Variants in CAMSAP3 observed in about 807,000 individuals in gnomAD.
CAMSAP3 encodes calmodulin regulated spectrin associated protein family member 3, also known as calmodulin-regulated spectrin-associated protein 3.
In CAMSAP3, 34 loss-of-function variants were observed where a neutral mutation model predicts 112.5. The ratio of observed to expected loss-of-function variants is 0.30; its 90% CI spans 0.23 to 0.40. CAMSAP3 has a LOEUF of 0.40. Among genes scored for constraint, CAMSAP3 ranks in the 10% least tolerant of loss-of-function variants. The probability of loss-of-function intolerance (pLI) is 1.00; values close to 1 mark genes in which losing one functional copy is unlikely to be tolerated. For missense variants in CAMSAP3, 1,602 were observed against 1,770.3 expected (o/e 0.90, Z 1.71); for synonymous variants, 868 against 799.8 (o/e 1.09, Z -1.44).
Position 7,615,359 on chromosome 19 carries a change from C to T in CAMSAP3, c.2810+37C>T. ...CCTGCCCGGGACGCCCGCTCCTTGG[C>T]CTGTCTGCCACCGCGGACCCCGTGA... On this transcript the variant is annotated intron_variant, in intron 12 of 16. Coordinates refer to ENST00000160298, the MANE Select transcript of CAMSAP3 (RefSeq NM_020902.2). The surrounding 1 kb of genome is among the most constrained non-coding windows in gnomAD (Gnocchi z 6.5). 2 of 1,533,422 alleles carry T rather than the reference C, an allele frequency of 1.3e-6. No individual in the cohort carries two copies. The highest frequency in any genetic ancestry group is 1.8e-6 in the Non-Finnish European group (2 of 1,136,672). 95.0% of individuals were successfully genotyped at this position (1,533,422 alleles called of 1,614,324 possible). A position where few individuals can be genotyped will look rare whatever the true frequency, so the allele number is the denominator to read the frequency against.
At position 7,596,162 on chromosome 19, in the gene CAMSAP3, C is replaced by T. The variant is rs1216202858; in HGVS notation, c.148+12C>T. The T allele has an allele frequency of 1.2e-3, 84 of 71,840 alleles. No homozygotes were observed. The highest frequency in any genetic ancestry group is 1.4e-3 in the Non-Finnish European group (70 of 49,478). The allele number at this position is 71,840 out of a possible 1,614,324, so 4.5% of individuals were successfully genotyped here. On this transcript the variant is annotated intron_variant, in intron 1 of 16. Coordinates refer to ENST00000160298, the MANE Select transcript of CAMSAP3 (RefSeq NM_020902.2). ...GTTCGGGGGCGCAGGTACCGGGGCTCGGGGGACCGGGGTCGGGGGCGGCGG... is the reference window on the plus strand; with the variant it reads ...GTTCGGGGGCGCAGGTACCGGGGCTTGGGGGACCGGGGTCGGGGGCGGCGG...
At chr19:7,604,060 G>A (rs980386033) in intron 1 of CAMSAP3, among the ~76,000 whole-genome samples, 4 of 152,100 alleles carry the variant, frequency 2.6e-5, no homozygotes, top group Admixed American at 1.3e-4. Flanking sequence ...ATTCGAGCCC[G>A]GGAGGCAGAG....
chr19:7,615,379 C>G lies in CAMSAP3; in HGVS notation c.2811-39C>G. 1 of 1,535,682 alleles carries G rather than the reference C, an allele frequency of 6.5e-7. No homozygotes were observed. Among genetic ancestry groups the G allele is most frequent in the East Asian group, 2.5e-5 (1 of 40,658 alleles). On this transcript the variant is annotated intron_variant, in intron 12 of 16. Coordinates refer to ENST00000160298, the MANE Select transcript of CAMSAP3 (RefSeq NM_020902.2). This position sits in a 1 kb window ranked among gnomAD's most constrained non-coding sequence, Gnocchi z 6.5. The stretch of plus-strand genomic sequence containing the variant: ...CTTGGCCTGTCTGCCACCGCGGACC[C>G]CGTGAGCGGTTCTGATGCCGATTCC...
At position 7,615,110 on chromosome 19, in the gene CAMSAP3, G is replaced by A. The variant is rs757021477; in HGVS notation, c.2671-73G>A. Reference sequence around the variant, plus strand: ...AGCACAGGTGGGTGGCGGGCAGGCTGGGTGGAGGGAAGATGGGCCTCCAGC... The same window carrying A: ...AGCACAGGTGGGTGGCGGGCAGGCTAGGTGGAGGGAAGATGGGCCTCCAGC... On this transcript the variant is annotated intron_variant, in intron 11 of 16. Coordinates refer to ENST00000160298, the MANE Select transcript of CAMSAP3 (RefSeq NM_020902.2). The surrounding 1 kb of genome is among the most constrained non-coding windows in gnomAD (Gnocchi z 6.5). 1.2e-5 allele frequency: 19 copies of A among 1,530,248 alleles called. No homozygotes were observed. The highest frequency in any genetic ancestry group is 1.1e-4 in the African/African-American group (8 of 72,674). 94.8% of individuals were successfully genotyped at this position (1,530,248 alleles called of 1,614,324 possible).
chr19:7,606,328 AAG>A lies in CAMSAP3; in HGVS notation c.462_463del (p.Lys154AsnfsTer99). 1 of 1,613,838 alleles carries A rather than the reference AAG, an allele frequency of 6.2e-7. No individual in the cohort carries two copies. The highest frequency in any genetic ancestry group is 2.2e-5 in the East Asian group (1 of 44,868). On this transcript the variant is annotated frameshift_variant, in exon 3 of 17. Transcript: ENST00000160298. LOFTEE classifies it high-confidence loss of function. ...LMAAFAFEWTKTLPGPLALTS... is the reference protein window; with the variant it reads ...LMAAFAFEWTXTLPGPLALTS... ...GGCTGCCTTTGCCTTCGAGTGGACA[AAG>A]ACCCTGCCAGGTCCCTTGGCCCTGA...
chr19:7,603,521 C>T (rs2146160197), intron 1 of CAMSAP3, among the ~76,000 whole-genome samples: 1 of 152,002 alleles, frequency 6.6e-6, no homozygotes, highest in East Asian at 1.9e-4. Flanking sequence ...GGCCCCCACC[C>T]CGTTCTTTCA....
At position 7,610,531 on chromosome 19, in the gene CAMSAP3, C is replaced by T. The variant is rs1014555876; in HGVS notation, c.816C>T (p.Leu272=). 13 of 1,613,606 alleles carry T rather than the reference C, an allele frequency of 8.1e-6. No homozygotes were observed. The highest frequency in any genetic ancestry group is 1.3e-5 in the African/African-American group (1 of 74,916). Residue 272 remains leucine (L), a synonymous_variant, in exon 6 of 17, where the codon CTC becomes CTT. Coordinates refer to ENST00000160298, the MANE Select transcript of CAMSAP3 (RefSeq NM_020902.2). This position sits in a 1 kb window ranked among gnomAD's most constrained non-coding sequence, Gnocchi z 4.9. ...SVADSLYNLQ[L]VQDFCASRLP... Reference sequence around the variant, plus strand: ...CGGACAGCCTGTACAACCTCCAGCTCGTGCAGGATTTCTGTGCCTCTCGCC... The same window carrying T: ...CGGACAGCCTGTACAACCTCCAGCTTGTGCAGGATTTCTGTGCCTCTCGCC...
At position 7,605,444 on chromosome 19, in the gene CAMSAP3, C is replaced by G. The variant is rs754011606; in HGVS notation, c.367C>G (p.Arg123Gly). The G allele has an allele frequency of 6.9e-7, 1 of 1,458,708 alleles. No individual in the cohort carries two copies. The highest frequency in any genetic ancestry group is 9.1e-7 in the Non-Finnish European group (1 of 1,103,036). 90.4% of individuals were successfully genotyped at this position (1,458,708 alleles called of 1,614,324 possible). A position where few individuals can be genotyped will look rare whatever the true frequency, so the allele number is the denominator to read the frequency against. Residue 123 changes from arginine to glycine, a missense_variant, in exon 2 of 17, where the codon CGC becomes GGC. Arg to Gly is a moderately radical substitution (Grantham distance 125). Around this residue, in one of 6 missense-constraint regions of CAMSAP3, gnomAD observed 35 missense variants for 79.8 expected, o/e 0.44. Transcript: ENST00000160298. ...TVPALPERPV[R>G]EADLRHQPIL... ...GCCTGCTTTGCCCGAGCGCCCGGTG[C>G]GCGAGGCCGACCTGAGGCACCAGCC...
Position 7,617,465 on chromosome 19 carries a change from G to A in CAMSAP3, c.3325+27G>A. 1 of 1,609,488 alleles carries A rather than the reference G, an allele frequency of 6.2e-7. No homozygotes were observed. On this transcript the variant is annotated intron_variant, in intron 15 of 16. Transcript: ENST00000160298. The surrounding 1 kb of genome is among the most constrained non-coding windows in gnomAD (Gnocchi z 7.5). ...TAAGCAGGGGCTCTGGGTGATGTGA[G>A]GAGCAACAGGCACCCTCCTCCACAG...
Position 7,611,759 on chromosome 19 carries a change from A to G in CAMSAP3, c.1266A>G (p.Gly422=), listed in dbSNP as rs1237815754. 2 of 1,587,958 alleles carry G rather than the reference A, an allele frequency of 1.3e-6. No individual in the cohort carries two copies. Among genetic ancestry groups the G allele is most frequent in the Non-Finnish European group, 1.7e-6 (2 of 1,166,290 alleles). Residue 422 remains glycine, a synonymous_variant, in exon 11 of 17, where the codon GGA becomes GGG. Transcript: ENST00000160298. This position sits in a 1 kb window ranked among gnomAD's most constrained non-coding sequence, Gnocchi z 6.9. ...GLDSDVDVVM[G]DPVLLRSVSS... ...ACAGCGACGTGGATGTCGTCATGGGAGACCCTGTGCTCCTCCGCTCTGTGA... is the reference window on the plus strand; with the variant it reads ...ACAGCGACGTGGATGTCGTCATGGGGGACCCTGTGCTCCTCCGCTCTGTGA...
At chr19:7,605,117 G>A in intron 1 of CAMSAP3, 109 bp from the exon 2 acceptor site, 1 of 730,238 alleles carries the variant, frequency 1.4e-6, no homozygotes, top group African/African-American at 1.9e-5. Context: ...ATCCTCCCTG[G>A]TCCAGACACA....
Position 7,617,935 on chromosome 19 carries a change from C to T in CAMSAP3, c.3628C>T (p.Arg1210Cys), listed in dbSNP as rs1354076030. The change falls in exon 17 of 17, where the codon CGC (arginine) becomes TGC (cysteine). Residue 1210 changes from arginine (R) to cysteine (C), a missense_variant. Physicochemically the swap from Arg to Cys is radical, Grantham distance 180. Transcript: ENST00000160298. The surrounding 1 kb of genome is among the most constrained non-coding windows in gnomAD (Gnocchi z 7.5). The part of the protein sequence containing the change: ...GIYKYNSDRK[R>C]FTQIPAKTMS... Reference sequence around the variant, plus strand: ...CTACAAGTACAACTCGGACCGCAAGCGCTTCACCCAGATCCCCGCCAAGAC... The same window carrying T: ...CTACAAGTACAACTCGGACCGCAAGTGCTTCACCCAGATCCCCGCCAAGAC... 6 of 1,613,994 alleles carry T rather than the reference C, an allele frequency of 3.7e-6. No individual in the cohort carries two copies. The African/African-American group carries it at 4.0e-5, about 11-fold the overall frequency.
In CAMSAP3 at chr19:7,607,750, C is replaced by T. The variant is rs74556722; in HGVS notation, c.622-376C>T. Reference sequence around the variant, plus strand: ...CAGGGTCAGGGCTACCCCCTCCCCCCCAAGGTGGGCTTGGGGGCCCAGCAG... The same window carrying T: ...CAGGGTCAGGGCTACCCCCTCCCCCTCAAGGTGGGCTTGGGGGCCCAGCAG... On this transcript the variant is annotated intron_variant, in intron 4 of 16. Transcript: ENST00000160298. The surrounding 1 kb of genome is among the most constrained non-coding windows in gnomAD (Gnocchi z 4.9). 5.6e-5 allele frequency: 32 copies of T among 573,046 alleles called. No individual in the cohort carries two copies. Among genetic ancestry groups the T allele is most frequent in the South Asian group, 1.7e-4 (7 of 40,368 alleles). 35.5% of individuals were successfully genotyped at this position (573,046 alleles called of 1,614,324 possible).
chr19:7,617,693 T>TGGTG lies in CAMSAP3; in HGVS notation c.3445-45_3445-42dup, dbSNP rs746922525. On this transcript the variant is annotated intron_variant, in intron 16 of 16. Coordinates refer to ENST00000160298, the MANE Select transcript of CAMSAP3 (RefSeq NM_020902.2). This position sits in a 1 kb window ranked among gnomAD's most constrained non-coding sequence, Gnocchi z 7.5. Reference sequence around the variant, plus strand: ...CCGCCCACACGTGGGAGTTGGGGGCTGGTGGGTGGGTGGGTGGCCTGACTT... The same window carrying TGGTG: ...CCGCCCACACGTGGGAGTTGGGGGCTGGTGGGTGGGTGGGTGGGTGGCCTGACTT... The TGGTG allele has an allele frequency of 7.4e-6, 12 of 1,610,950 alleles. No homozygotes were observed. The highest frequency in any genetic ancestry group is 1.1e-5 in the South Asian group (1 of 91,004).
At position 7,611,222 on chromosome 19, in the gene CAMSAP3, G is replaced by A; in HGVS notation, c.1123+54G>A. 1 of 1,526,440 alleles carries A rather than the reference G, an allele frequency of 6.6e-7. No individual in the cohort carries two copies. The allele number at this position is 1,526,440 out of a possible 1,614,324, so 94.6% of individuals were successfully genotyped here. A position where few individuals can be genotyped will look rare whatever the true frequency, so the allele number is the denominator to read the frequency against. On this transcript the variant is annotated intron_variant, in intron 9 of 16. Transcript: ENST00000160298. This position sits in a 1 kb window ranked among gnomAD's most constrained non-coding sequence, Gnocchi z 6.9. ...CGGGGGACCCCCCCACTCACAGACT[G>A]CCCCAGTGGGCCTCATGTTGTCTCC... is the stretch of plus-strand genomic sequence containing the variant.
chr19:7,607,517 C>G lies in CAMSAP3; in HGVS notation c.622-609C>G, dbSNP rs529464236. Among the ~76,000 whole-genome samples the G allele has an allele frequency of 6.6e-6, 1 of 152,232 alleles. No individual in the cohort carries two copies. Among genetic ancestry groups the G allele is most frequent in the Non-Finnish European group, 1.5e-5 (1 of 67,984 alleles). On this transcript the variant is annotated intron_variant, in intron 4 of 16. Transcript: ENST00000160298. The surrounding 1 kb of genome is among the most constrained non-coding windows in gnomAD (Gnocchi z 4.9). ...CACCTTTGCTCACTCCTTCCCCCACCCTGGGGCCTGGGTTGGGAGGTTCCC... is the reference window on the plus strand; with the variant it reads ...CACCTTTGCTCACTCCTTCCCCCACGCTGGGGCCTGGGTTGGGAGGTTCCC...
rs774821513 is a variant in CAMSAP3, at chr19:7,615,204, G to A, written c.2692G>A (p.Glu898Lys). 3.9e-6 allele frequency: 6 copies of A among 1,554,084 alleles called. No homozygotes were observed. In the East Asian group the frequency reaches 1.2e-4, roughly 31 times the overall value. Reference protein sequence around the residue: ...FYKDEDKPEDEMAQKRASLLE... With the variant: ...FYKDEDKPEDKMAQKRASLLE... Reference sequence around the variant, plus strand: ...CCAGGATGAAGACAAGCCTGAGGACGAGATGGCCCAAAAGCGGGCCAGCCT... The same window carrying A: ...CCAGGATGAAGACAAGCCTGAGGACAAGATGGCCCAAAAGCGGGCCAGCCT... Residue 898 changes from glutamate to lysine, a missense_variant, in exon 12 of 17, where the codon GAG (glutamate) becomes AAG (lysine). Around this residue, in one of 6 missense-constraint regions of CAMSAP3, gnomAD observed 1,100 missense variants for 1,135.7 expected, o/e 0.97. Transcript: ENST00000160298. The surrounding 1 kb of genome is among the most constrained non-coding windows in gnomAD (Gnocchi z 6.5).
chr19:7,611,779 C>T lies in CAMSAP3; in HGVS notation c.1286C>T (p.Ser429Phe). 6 of 1,597,412 alleles carry T rather than the reference C, an allele frequency of 3.8e-6. No individual in the cohort carries two copies. The highest frequency in any genetic ancestry group is 2.6e-6 in the Non-Finnish European group (3 of 1,172,338). ...VVMGDPVLLRSVSSDSLGPPR... is the reference protein window; with the variant it reads ...VVMGDPVLLRFVSSDSLGPPR... ...ATGGGAGACCCTGTGCTCCTCCGCT[C>T]TGTGAGCTCGGACAGCCTGGGCCCC... The change falls in exon 11 of 17, where the codon TCT (serine) becomes TTT (phenylalanine). Residue 429 changes from serine to phenylalanine, a missense_variant. By Grantham distance (155) the Ser-to-Phe change is radical (BLOSUM62 -2). Coordinates refer to ENST00000160298, the MANE Select transcript of CAMSAP3 (RefSeq NM_020902.2). This position sits in a 1 kb window ranked among gnomAD's most constrained non-coding sequence, Gnocchi z 6.9.
Position 7,607,519 on chromosome 19 carries a change from T to A in CAMSAP3, c.622-607T>A, listed in dbSNP as rs1451713408. On this transcript the variant is annotated intron_variant, in intron 4 of 16. Coordinates refer to ENST00000160298, the MANE Select transcript of CAMSAP3 (RefSeq NM_020902.2). This position sits in a 1 kb window ranked among gnomAD's most constrained non-coding sequence, Gnocchi z 4.9. The stretch of plus-strand genomic sequence containing the variant: ...CCTTTGCTCACTCCTTCCCCCACCC[T>A]GGGGCCTGGGTTGGGAGGTTCCCTT... Among the ~76,000 whole-genome samples, 1 of 152,166 alleles carries A rather than the reference T, an allele frequency of 6.6e-6. No homozygotes were observed. Among genetic ancestry groups the A allele is most frequent in the Non-Finnish European group, 1.5e-5 (1 of 68,010 alleles).
Sources: gnomAD v4.1 joint callset for allele counts (sites outside exome capture counted in the v4.1 genomes callset) on GRCh38, gnomAD v4.1.1 for gene constraint, gnomAD v4.1.1 regional missense constraint, Gnocchi (gnomAD v3.1) non-coding constraint, MANE v1.5 for transcripts, NCBI Gene and HGNC (gene_info 2026-07-23, HGNC 2026-07-21) for gene names.